Variants in COL21A1 observed in about 807,000 individuals in gnomAD.
COL21A1 encodes the protein collagen type XXI alpha 1 chain.
A neutral mutation model predicts 137.9 loss-of-function variants in COL21A1; 149 were observed. The ratio of observed to expected loss-of-function variants is 1.08; its 90% confidence interval spans 0.95 to 1.24. COL21A1 has a LOEUF of 1.24. Among genes scored for constraint, COL21A1 ranks in the 50% most tolerant of loss-of-function variants. The pLI, the probability that COL21A1 is intolerant of heterozygous loss-of-function variation, is 0.00. For synonymous variants in COL21A1, 456 were observed against 391.5 expected, an observed-to-expected ratio of 1.16 and a Z score of -1.95; for missense variants, 1,167 against 1,158.4, an observed-to-expected ratio of 1.01 and a Z score of -0.11.
chr6:56,125,820 A>T (rs942189152), intron 13 of COL21A1, among the ~76,000 whole-genome samples, 200 bp from the exon 14 acceptor site: 3 of 152,070 alleles, frequency 2.0e-5, no homozygotes, highest in African/African-American at 7.2e-5. Context: ...ATTTAGTGCT[A>T]TAACAAGGCT....
chr6:56,236,064 C>T lies in COL21A1; in HGVS notation c.-39+11323G>A, dbSNP rs1562012387. 5.3e-5 allele frequency among the ~76,000 whole-genome samples: 8 copies of T among 152,068 alleles called. No homozygotes were observed. The Middle Eastern group carries it at 0.01, about 194-fold the overall frequency. ...CTTGAACTACATTGAGGAAAGAATACGGCTACATCCTTTCTATTAAGCAAC... is the reference window on the plus strand; with the variant it reads ...CTTGAACTACATTGAGGAAAGAATATGGCTACATCCTTTCTATTAAGCAAC... On this transcript the variant is annotated intron_variant, in intron 1 of 29. Transcript: ENST00000244728.
Position 56,060,022 on chromosome 6 carries a change from T to C in COL21A1, c.2604A>G (p.Leu868=), listed in dbSNP as rs371493394. ...TTGTTGAAACTAACTGCATACCTTTTAATCCTCTGACACCTGGACGTCCAG... is the reference window on the plus strand; with the variant it reads ...TTGTTGAAACTAACTGCATACCTTTCAATCCTCTGACACCTGGACGTCCAG... ...GVPGRPGVRG[L]KGLPGRNGEK... is the part of the protein sequence containing the mutation. The change falls in exon 28 of 30, where the codon TTA becomes TTG. Residue 868 remains leucine, a synonymous_variant. Transcript: ENST00000244728. 390 of 1,594,668 alleles carry C rather than the reference T, an allele frequency of 2.4e-4. 2 individuals are homozygous for C. The African/African-American group carries it at 4.1e-3, about 17-fold the overall frequency.
At position 56,269,654 on chromosome 6, in the gene COL21A1, C is replaced by CA. The variant is rs70986792; in HGVS notation, c.-38-86999dup. Among the ~76,000 whole-genome samples, 488 of 63,994 alleles carry CA rather than the reference C, an allele frequency of 7.6e-3. 25 individuals are homozygous for CA. The highest frequency in any genetic ancestry group is 0.018 in the African/African-American group (211 of 11,478). The allele number at this position is 63,994 out of a possible 152,430, so 42.0% of individuals were successfully genotyped here. On this transcript the variant is annotated intron_variant, in intron 1 of 28. Transcript: ENST00000370819. ...TGGGCGACAGAGCGAGACTCCGTCT[C>CA]AAAAAAAAAAAAAAAAAAAAAAAAA... is the stretch of plus-strand genomic sequence containing the variant.
At chr6:56,059,370 T>C (rs1181365736) in intron 28 of COL21A1, 128 bp from the exon 29 acceptor site, 6 of 580,110 alleles carry the variant, frequency 1.0e-5, no homozygotes, top group Non-Finnish European at 1.4e-5. Context: ...ATCTATTTTT[T>C]CTTACTAATG....
intron 12 of COL21A1, among the ~76,000 whole-genome samples, chr6:56,138,546 C>A (rs1774173179): frequency 6.6e-6 from 1 of 151,496 alleles, no homozygotes; most frequent in African/African-American, 2.4e-5. Flanking sequence ...TCCCAGAAGC[C>A]AAGAGAAGAA....
intron 16 of COL21A1, among the ~76,000 whole-genome samples, chr6:56,115,301 GAAAA>G (rs70986768): frequency 3.6e-5 from 5 of 140,742 alleles, no homozygotes; most frequent in African/African-American, 1.1e-4. Flanking sequence ...TAATAATAAA[GAAAA>G]AAAAAAAAAA....
intron 1 of COL21A1, among the ~76,000 whole-genome samples, chr6:56,369,722 T>G (rs1273708485): frequency 3.3e-5 from 5 of 152,140 alleles, no homozygotes; most frequent in Non-Finnish European, 5.9e-5. Context: ...AGGATGTAAA[T>G]AGCCAATTCG....
intron 18 of COL21A1, 137 bp downstream of exon 18, chr6:56,077,392 C>A: frequency 1.6e-6 from 1 of 628,810 alleles, no homozygotes; most frequent in Non-Finnish European, 2.7e-6. Flanking sequence ...TTTGTAAAGC[C>A]AAAACAACGT....
intron 22 of COL21A1, among the ~76,000 whole-genome samples, chr6:56,068,444 T>C (rs1410025699): frequency 6.6e-6 from 1 of 151,594 alleles, no homozygotes; most frequent in African/African-American, 2.4e-5. Flanking sequence ...ATATTATTTA[T>C]ATACATACAA....
At chr6:56,179,524 A>G (rs889256789) in intron 3 of COL21A1, 54 bp downstream of exon 3, 1 of 1,351,806 alleles carries the variant, frequency 7.4e-7, no homozygotes, top group Non-Finnish European at 1.0e-6. Flanking sequence ...TCAAAATGTA[A>G]AAAGCACAAT....
At chr6:56,074,198 A>G (rs1767008076) in intron 20 of COL21A1, 34 bp downstream of exon 20, 1 of 1,507,228 alleles carries the variant, frequency 6.6e-7, no homozygotes, top group African/African-American at 1.4e-5. Context: ...TGATTATACA[A>G]AGTTCCCAGT....
At position 56,119,527 on chromosome 6, in the gene COL21A1, T is replaced by G. The variant is rs374108431; in HGVS notation, c.1758+4535A>C. Among the ~76,000 whole-genome samples, 188 of 152,196 alleles carry G rather than the reference T, an allele frequency of 1.2e-3. 4 individuals are homozygous for G. Among genetic ancestry groups the G allele is most frequent in the African/African-American group, 4.2e-3 (176 of 41,546 alleles). Reference sequence around the variant, plus strand: ...AATGAACTTCCTATCAAAATACCAATGACATTCTTCAGAAACATACAAAAA... The same window carrying G: ...AATGAACTTCCTATCAAAATACCAAGGACATTCTTCAGAAACATACAAAAA... On this transcript the variant is annotated intron_variant, in intron 16 of 29. Transcript: ENST00000244728.
intron 1 of COL21A1, among the ~76,000 whole-genome samples, chr6:56,276,147 G>A (rs1184036795): frequency 1.3e-5 from 2 of 152,132 alleles, no homozygotes; most frequent in African/African-American, 4.8e-5. Context: ...ATGTTCTCAC[G>A]TATAAGTGGG....
At chr6:56,119,795 C>T (rs1772292737) in intron 16 of COL21A1, among the ~76,000 whole-genome samples, 1 of 152,036 alleles carries the variant, frequency 6.6e-6, no homozygotes, top group Non-Finnish European at 1.5e-5. Flanking sequence ...ATTCCGAGAA[C>T]ATACACTAGG....
At chr6:56,243,298 C>G (rs540838527) in intron 1 of COL21A1, among the ~76,000 whole-genome samples, 2 of 152,246 alleles carry the variant, frequency 1.3e-5, no homozygotes, top group Admixed American at 1.3e-4. Context: ...AGTGGGTTAA[C>G]CAGTGGGTTA....
intron 1 of COL21A1, among the ~76,000 whole-genome samples, chr6:56,200,169 G>A (rs1779288309): frequency 1.3e-5 from 2 of 152,126 alleles, no homozygotes; most frequent in Non-Finnish European, 1.5e-5. Context: ...TCATGCATGT[G>A]GGAGCAAGAC....
chr6:56,152,929 C>T (rs903893527), intron 10 of COL21A1, among the ~76,000 whole-genome samples: 1 of 152,114 alleles, frequency 6.6e-6, no homozygotes, highest in African/African-American at 2.4e-5. Context: ...GGAAAGGGGT[C>T]TGCAGGCTAA....
intron 1 of COL21A1, among the ~76,000 whole-genome samples, chr6:56,258,437 G>A (rs943294276): frequency 2.6e-5 from 4 of 152,178 alleles, no homozygotes; most frequent in South Asian, 4.1e-4. Context: ...ATCCAACGGA[G>A]GACCTCAAAT....
intron 1 of COL21A1, among the ~76,000 whole-genome samples, chr6:56,286,554 A>C (rs1763918571): frequency 6.6e-6 from 1 of 152,218 alleles, no homozygotes; most frequent in Non-Finnish European, 1.5e-5. Flanking sequence ...CTTTTTTTAT[A>C]TTCCCATAGC....
Sources: gnomAD v4.1 joint callset for allele counts (sites outside exome capture counted in the v4.1 genomes callset) on GRCh38, gnomAD v4.1.1 for gene constraint, MANE v1.5 for transcripts, NCBI Gene and HGNC (gene_info 2026-07-23, HGNC 2026-07-21) for gene names.